Variants in ADAM10 observed in about 807,000 individuals in gnomAD.
The protein encoded by ADAM10 is ADAM metallopeptidase domain 10, also known as disintegrin and metalloproteinase domain-containing protein 10.
A neutral mutation model predicts 90.1 loss-of-function variants in ADAM10; 17 were observed. The ratio of observed to expected loss-of-function variants is 0.19; its 90% CI spans 0.13 to 0.28. ADAM10 has a LOEUF of 0.28. Among genes scored for constraint, ADAM10 ranks in the 10% least tolerant of loss-of-function variants. The probability of loss-of-function intolerance (pLI) is 1.00; values close to 1 mark genes in which losing one functional copy is unlikely to be tolerated. For missense variants in ADAM10, 610 were observed against 914.3 expected, an observed-to-expected ratio of 0.67 and a Z score of 4.29; for synonymous variants, 310 against 298.6, an observed-to-expected ratio of 1.04 and a Z score of -0.40.
At chr15:58,619,501 TGAG>T (rs1895716460) in intron 11 of ADAM10, among the ~76,000 whole-genome samples, 1 of 152,222 alleles carries the variant, frequency 6.6e-6, no homozygotes, top group South Asian at 2.1e-4. Flanking sequence ...GATAAATATC[TGAG>T]GAGATAAATA....
chr15:58,615,276 G>GAAAAAAAAAA (rs35628107), intron 11 of ADAM10, among the ~76,000 whole-genome samples: 1 of 84,786 alleles, frequency 1.2e-5, no homozygotes, highest in Non-Finnish European at 2.4e-5. Flanking sequence ...TCCGTCTGAA[G>GAAAAAAAAAA]AAAAAAAAAA....
intron 8 of ADAM10, among the ~76,000 whole-genome samples, chr15:58,639,697 T>C (rs935912115): frequency 3.3e-5 from 5 of 151,970 alleles, no homozygotes; most frequent in East Asian, 1.9e-4. Flanking sequence ...TTTTAAAACA[T>C]AGAAGAAAAA....
intron 5 of ADAM10, 71 bp from the exon 6 acceptor site, chr15:58,646,275 A>G (rs749530905): frequency 9.7e-6 from 14 of 1,445,608 alleles, no homozygotes; most frequent in Non-Finnish European, 1.3e-5. Flanking sequence ...TTAAGAATAC[A>G]TACTATAAAC....
intron 7 of ADAM10, among the ~76,000 whole-genome samples, chr15:58,643,265 C>G (rs4774309): frequency 0.18 from 26,931 of 151,772 alleles, 2,647 homozygotes; most frequent in East Asian, 0.44. Context: ...CAGCTTTTCT[C>G]AAAATGCCTA....
intron 11 of ADAM10, 35 bp from the exon 12 acceptor site, chr15:58,612,026 T>C: frequency 6.3e-7 from 1 of 1,583,804 alleles, no homozygotes; most frequent in East Asian, 2.2e-5. Context: ...ACAAAGTAAA[T>C]CACTAGTTAT....
At chr15:58,632,793 G>A (rs943974238) in intron 9 of ADAM10, among the ~76,000 whole-genome samples, 1 of 152,078 alleles carries the variant, frequency 6.6e-6, no homozygotes, top group Non-Finnish European at 1.5e-5. Flanking sequence ...CCCTAAAAAT[G>A]CTTTAACAGA....
intron 4 of ADAM10, among the ~76,000 whole-genome samples, chr15:58,665,884 CATTCATT>C (rs1295360500): frequency 6.6e-6 from 1 of 151,828 alleles, no homozygotes; most frequent in East Asian, 1.9e-4. Flanking sequence ...CATCATTCAT[CATTCATT>C]CATCATCATT....
At chr15:58,671,301 T>C (rs1897185151) in intron 4 of ADAM10, among the ~76,000 whole-genome samples, 1 of 152,222 alleles carries the variant, frequency 6.6e-6, no homozygotes, top group Admixed American at 6.5e-5. Context: ...ATGGAGATTA[T>C]CTAATCCCCC....
intron 1 of ADAM10, among the ~76,000 whole-genome samples, chr15:58,722,532 C>CA (rs35957082): frequency 0.22 from 26,679 of 122,168 alleles, 2,786 homozygotes; most frequent in East Asian, 0.46. Context: ...GACCCTATCT[C>CA]AAAAAAAAAA....
intron 3 of ADAM10, 58 bp from the exon 4 acceptor site, chr15:58,679,340 A>T: frequency 6.9e-7 from 1 of 1,452,872 alleles, no homozygotes; most frequent in Non-Finnish European, 9.6e-7. Context: ...TGTTAAATTC[A>T]TTCATATATA....
chr15:58,679,656 G>C (rs1897375143), intron 3 of ADAM10, among the ~76,000 whole-genome samples: 1 of 152,154 alleles, frequency 6.6e-6, no homozygotes, highest in South Asian at 2.1e-4. Context: ...TATAATCCCA[G>C]CACTTTGGGG....
chr15:58,660,552 A>C (rs1896940857), intron 5 of ADAM10, among the ~76,000 whole-genome samples: 2 of 152,096 alleles, frequency 1.3e-5, no homozygotes, highest in Non-Finnish European at 2.9e-5. Flanking sequence ...TCTTGGCCTC[A>C]AGCAATCTTC....
chr15:58,708,390 G>A lies in ADAM10; in HGVS notation c.206+9187C>T, dbSNP rs549415763. On this transcript the variant is annotated intron_variant, in intron 2 of 15. Coordinates refer to ENST00000260408, the MANE Select transcript of ADAM10 (RefSeq NM_001110.4). ...AAAAAAAATAATTGAGGCCACACCC[G>A]GTGGCTCACACCAGTAATCCCAGCA... is the stretch of plus-strand genomic sequence containing the variant. Among the ~76,000 whole-genome samples, 437 of 152,042 alleles carry A rather than the reference G, an allele frequency of 2.9e-3. 1 individual carries two copies. The highest frequency in any genetic ancestry group is 9.0e-3 in the Admixed American group (138 of 15,278).
chr15:58,645,964 A>G lies in ADAM10; in HGVS notation c.735+91T>C, dbSNP rs552007107. On this transcript the variant is annotated intron_variant, in intron 6 of 15. Transcript: ENST00000260408. ...CTGAAAACACATACTTTTTCCCAAA[A>G]AGAGAATACACTAACTTAAATTTTT... 84 of 1,416,784 alleles carry G rather than the reference A, an allele frequency of 5.9e-5. No homozygotes were observed. In the African/African-American group the frequency reaches 1.1e-3, roughly 19 times the overall value. 87.8% of individuals were successfully genotyped at this position (1,416,784 alleles called of 1,614,324 possible). A position where few individuals can be genotyped will look rare whatever the true frequency, so the allele number is the denominator to read the frequency against.
intron 8 of ADAM10, among the ~76,000 whole-genome samples, chr15:58,636,730 C>G (rs964594138): frequency 2.6e-4 from 39 of 152,016 alleles, no homozygotes; most frequent in Admixed American, 2.5e-3. Context: ...ACCCCACCCC[C>G]CAAAAAAAAG....
chr15:58,643,796 TA>T (rs1287444457), intron 7 of ADAM10, 89 bp downstream of exon 7: 4 of 1,067,566 alleles, frequency 3.7e-6, no homozygotes, highest in Non-Finnish European at 5.8e-6. Context: ...TTCATAAAGA[TA>T]AAATTAAAAG....
At chr15:58,604,736 T>C (rs893425194) in intron 14 of ADAM10, among the ~76,000 whole-genome samples, 15 of 152,162 alleles carry the variant, frequency 9.9e-5, no homozygotes, top group African/African-American at 2.7e-4. Context: ...GTCTTTTTAG[T>C]ACCTACACAC....
chr15:58,663,687 G>A (rs1377352455), intron 5 of ADAM10, among the ~76,000 whole-genome samples: 1 of 151,704 alleles, frequency 6.6e-6, no homozygotes, highest in African/African-American at 2.4e-5. Flanking sequence ...CCATTAATAT[G>A]GTATATCTCT....
rs112810735 is a variant in ADAM10, at chr15:58,650,177, A to T, written c.586-3973T>A. Among the ~76,000 whole-genome samples the T allele has an allele frequency of 3.5e-3, 537 of 152,262 alleles. 5 individuals are homozygous for T. Among genetic ancestry groups the T allele is most frequent in the African/African-American group, 0.012 (516 of 41,550 alleles). On this transcript the variant is annotated intron_variant, in intron 5 of 15. Coordinates refer to ENST00000260408, the MANE Select transcript of ADAM10 (RefSeq NM_001110.4). ...TGTCAGATAATTTTCTTATCCAGGT[A>T]CCATTTCCTTTGTCAGTTGACTCTC...
Sources: gnomAD v4.1 joint callset for allele counts (sites outside exome capture counted in the v4.1 genomes callset) on GRCh38, gnomAD v4.1.1 for gene constraint, MANE v1.5 for transcripts, NCBI Gene and HGNC (gene_info 2026-07-23, HGNC 2026-07-21) for gene names.